Variants in COL8A1 observed in about 807,000 individuals in gnomAD.
The protein encoded by COL8A1 is collagen alpha-1(VIII) chain.
In COL8A1, 21 loss-of-function variants were observed where a neutral mutation model predicts 42.7. The ratio of observed to expected loss-of-function variants is 0.49; its 90% CI spans 0.35 to 0.71. The LOEUF (loss-of-function observed/expected upper bound fraction) is 0.71. COL8A1 is among the 30% of genes least tolerant of loss of function. COL8A1 has a pLI of 0.01. For synonymous variants in COL8A1, 367 were observed against 369.1 expected (o/e 0.99, Z 0.06); for missense variants, 788 against 962.4 (o/e 0.82, Z 2.40).
chr3:99,711,666 C>A (rs1164102255), intron 1 of COL8A1, among the ~76,000 whole-genome samples: 1 of 152,028 alleles, frequency 6.6e-6, no homozygotes, highest in Non-Finnish European at 1.5e-5. Context: ...GGTCCTCAGA[C>A]CATTGACAAA....
At chr3:99,782,572 A>G (rs983089994) in intron 2 of COL8A1, among the ~76,000 whole-genome samples, 1 of 152,056 alleles carries the variant, frequency 6.6e-6, no homozygotes, top group Non-Finnish European at 1.5e-5. Flanking sequence ...TTGTATTTTT[A>G]GTAGAGACAG....
intron 1 of COL8A1, among the ~76,000 whole-genome samples, chr3:99,663,130 T>C (rs1938258594): frequency 6.6e-6 from 1 of 152,198 alleles, no homozygotes; most frequent in African/African-American, 2.4e-5. Context: ...TATAGCCCAC[T>C]CCTTACTTTA....
At chr3:99,772,175 A>G (rs1049844554) in intron 2 of COL8A1, among the ~76,000 whole-genome samples, 1 of 152,242 alleles carries the variant, frequency 6.6e-6, no homozygotes, top group South Asian at 2.1e-4. Context: ...TCAAGCCATG[A>G]AAAGACATGT....
chr3:99,645,713 T>A (rs1257066956), intron 1 of COL8A1, among the ~76,000 whole-genome samples: 1 of 146,138 alleles, frequency 6.8e-6, no homozygotes, highest in African/African-American at 2.5e-5. Context: ...AAAAAAAAAA[T>A]CCTAATTTAA....
At chr3:99,714,583 C>T (rs894523406) in intron 1 of COL8A1, among the ~76,000 whole-genome samples, 38 of 152,092 alleles carry the variant, frequency 2.5e-4, no homozygotes, top group Admixed American at 2.0e-3. Context: ...GAGCAGCTCC[C>T]TTTATGTTCA....
intron 1 of COL8A1, among the ~76,000 whole-genome samples, chr3:99,704,962 G>C (rs1379401432): frequency 6.6e-6 from 1 of 152,130 alleles, no homozygotes; most frequent in East Asian, 1.9e-4. Flanking sequence ...AGGGCAGCAG[G>C]AAGGGACTAG....
intron 2 of COL8A1, among the ~76,000 whole-genome samples, chr3:99,755,795 C>T (rs2107418809): frequency 6.6e-6 from 1 of 152,274 alleles, no homozygotes; most frequent in South Asian, 2.1e-4. Context: ...TGGCCAGAGC[C>T]TGGTAACTAA....
chr3:99,782,558 A>T (rs1011547214), intron 2 of COL8A1, among the ~76,000 whole-genome samples: 8 of 152,008 alleles, frequency 5.3e-5, no homozygotes, highest in African/African-American at 1.7e-4. Flanking sequence ...TGCCCGGCTA[A>T]TTTTTGTATT....
At chr3:99,669,166 GA>G (rs1232605019) in intron 1 of COL8A1, among the ~76,000 whole-genome samples, 46 of 145,598 alleles carry the variant, frequency 3.2e-4, no homozygotes, top group African/African-American at 9.5e-4. Flanking sequence ...GAGAGAGAGA[GA>G]GAGAGAGAGA....
intron 2 of COL8A1, among the ~76,000 whole-genome samples, chr3:99,765,022 G>A (rs936559240): frequency 1.4e-4 from 21 of 151,786 alleles, no homozygotes; most frequent in Non-Finnish European, 2.4e-4. Context: ...TTCTCTTTAT[G>A]GTTATTAAGA....
At chr3:99,666,385 A>T (rs770092775) in intron 1 of COL8A1, among the ~76,000 whole-genome samples, 1 of 152,216 alleles carries the variant, frequency 6.6e-6, no homozygotes, top group Non-Finnish European at 1.5e-5. Flanking sequence ...TGCCATCAGA[A>T]TACTGAAGCA....
chr3:99,699,216 G>A (rs1395704294), intron 1 of COL8A1, among the ~76,000 whole-genome samples: 7 of 152,132 alleles, frequency 4.6e-5, no homozygotes, highest in African/African-American at 1.7e-4. Flanking sequence ...AATTGTCCAA[G>A]TTCTAGAGAC....
intron 2 of COL8A1, among the ~76,000 whole-genome samples, chr3:99,765,980 C>T (rs926813780): frequency 5.9e-5 from 9 of 152,090 alleles, no homozygotes; most frequent in African/African-American, 1.9e-4. Flanking sequence ...AATGTTAGCT[C>T]AACAAACCCA....
chr3:99,721,653 A>G (rs1940159362), intron 1 of COL8A1, among the ~76,000 whole-genome samples: 1 of 152,158 alleles, frequency 6.6e-6, no homozygotes, highest in African/African-American at 2.4e-5. Context: ...TATAACAATT[A>G]TTCATCCTAT....
At chr3:99,673,640 C>A (rs1938608951) in intron 1 of COL8A1, among the ~76,000 whole-genome samples, 2 of 151,738 alleles carry the variant, frequency 1.3e-5, no homozygotes, top group Non-Finnish European at 2.9e-5. Context: ...TTTTATTTTC[C>A]TGCCTTTCAC....
intron 1 of COL8A1, among the ~76,000 whole-genome samples, chr3:99,725,620 GT>G (rs1414883079): frequency 2.3e-5 from 3 of 129,266 alleles, no homozygotes; most frequent in Non-Finnish European, 4.6e-5. Context: ...CTGTGTCCAT[GT>G]GTTCTCATCG....
intron 1 of COL8A1, chr3:99,679,329 A>C (rs1938796800): frequency 6.6e-6 from 1 of 152,260 alleles, no homozygotes. Context: ...CAAAGAAAAG[A>C]ACAGAGAACA....
intron 1 of COL8A1, among the ~76,000 whole-genome samples, chr3:99,710,835 G>A (rs1406668968): frequency 1.3e-5 from 2 of 152,158 alleles, no homozygotes; most frequent in Non-Finnish European, 2.9e-5. Flanking sequence ...CCAGGTCAAT[G>A]CTCCCTGCAC....
chr3:99,721,419 A>G (rs554376733), intron 1 of COL8A1, among the ~76,000 whole-genome samples: 79 of 96,104 alleles, frequency 8.2e-4, no homozygotes, highest in Non-Finnish European at 1.4e-3. Context: ...GGAAAGGGGA[A>G]AGGGAAAGGG....
Sources: gnomAD v4.1 joint callset for allele counts (sites outside exome capture counted in the v4.1 genomes callset) on GRCh38, gnomAD v4.1.1 for gene constraint, MANE v1.5 for transcripts, NCBI Gene and HGNC (gene_info 2026-07-23, HGNC 2026-07-21) for gene names.